PPP2R3A: variants seen among roughly 807,000 people sequenced by gnomAD.
PPP2R3A encodes serine/threonine-protein phosphatase 2A regulatory subunit B'' subunit alpha.
PPP2R3A carries 80 observed loss-of-function variants against 106.9 expected under a neutral mutation model. The ratio of observed to expected loss-of-function variants is 0.75; its 90% CI spans 0.62 to 0.90. PPP2R3A has a LOEUF of 0.90. Ranked by LOEUF, PPP2R3A falls within the 40% of genes least tolerant of loss-of-function variation. The pLI, the probability that PPP2R3A is intolerant of heterozygous loss-of-function variation, is 0.00. For synonymous variants in PPP2R3A, 483 were observed against 468.3 expected (o/e 1.03, Z -0.41); for missense variants, 1,386 against 1,350.4 (o/e 1.03, Z -0.41).
chr3:136,097,198 A>G (rs1437807369), intron 10 of PPP2R3A, among the ~76,000 whole-genome samples: 8 of 143,822 alleles, frequency 5.6e-5, no homozygotes, highest in African/African-American at 2.2e-4. Flanking sequence ...TTTGGTAAGA[A>G]AAAAAAAAAA....
chr3:136,102,812 G>A (rs1435102872), intron 11 of PPP2R3A, among the ~76,000 whole-genome samples: 1 of 152,244 alleles, frequency 6.6e-6, no homozygotes, highest in East Asian at 1.9e-4. Context: ...GCAACACAGC[G>A]AGACTGTATC....
At chr3:136,134,175 G>A (rs1559939047) in intron 13 of PPP2R3A, among the ~76,000 whole-genome samples, 1 of 152,188 alleles carries the variant, frequency 6.6e-6, no homozygotes, top group Non-Finnish European at 1.5e-5. Context: ...CTTCACTGCT[G>A]TCTCATAGAA....
At chr3:136,129,184 GAGAT>G (rs1423254959) in intron 13 of PPP2R3A, among the ~76,000 whole-genome samples, 13 of 146,284 alleles carry the variant, frequency 8.9e-5, no homozygotes, top group Middle Eastern at 3.6e-3. Flanking sequence ...AGAACTGAAA[GAGAT>G]AGAGACAAAA....
intron 13 of PPP2R3A, among the ~76,000 whole-genome samples, chr3:136,110,216 A>G (rs1218315145): frequency 6.6e-6 from 1 of 152,170 alleles, no homozygotes; most frequent in Non-Finnish European, 1.5e-5. Context: ...AAGGTGGACA[A>G]ATATCAAACA....
At chr3:136,111,405 T>G (rs1275116019) in intron 13 of PPP2R3A, among the ~76,000 whole-genome samples, 1 of 151,924 alleles carries the variant, frequency 6.6e-6, no homozygotes, top group Non-Finnish European at 1.5e-5. Context: ...CAGAAAAAGG[T>G]TATTAACTGA....
At chr3:135,993,318 A>G (rs983261350) in intron 1 of PPP2R3A, among the ~76,000 whole-genome samples, 2 of 152,192 alleles carry the variant, frequency 1.3e-5, no homozygotes, top group African/African-American at 2.4e-5. Context: ...AATACTCAAC[A>G]TCATTAGTCA....
chr3:136,047,774 G>C (rs576713578), intron 4 of PPP2R3A, among the ~76,000 whole-genome samples: 1 of 152,076 alleles, frequency 6.6e-6, no homozygotes, highest in Non-Finnish European at 1.5e-5. Flanking sequence ...GTGTGGTGGC[G>C]GGTGCCTGTA....
Position 136,135,166 on chromosome 3 carries a change from C to T in PPP2R3A, c.3330-9877C>T, listed in dbSNP as rs1938561650. Among the ~76,000 whole-genome samples the T allele has an allele frequency of 1.3e-5, 2 of 152,040 alleles. 1 individual carries two copies. The highest frequency in any genetic ancestry group is 4.1e-4 in the South Asian group (2 of 4,824). ...TGAGGAGGGGTCACAAGAGGAGACG[C>T]AGAGACCAGCTGGAGTGAAATTCAA... is the stretch of plus-strand genomic sequence containing the variant. On this transcript the variant is annotated intron_variant, in intron 13 of 13. Transcript: ENST00000264977.
chr3:136,145,115 T>G lies in PPP2R3A; in HGVS notation c.3402T>G (p.Ser1134Arg). The G allele has an allele frequency of 6.2e-7, 1 of 1,613,922 alleles. No homozygotes were observed. Among genetic ancestry groups the G allele is most frequent in the Non-Finnish European group, 8.5e-7 (1 of 1,179,866 alleles). ...EFGNKSNKIL[S>R]ASLPEKCGKL... ...GAAACAAAAGCAATAAAATATTAAG[T>G]GCAAGCCTTCCAGAGAAATGTGGAA... Residue 1134 changes from serine to arginine, a missense_variant, in exon 14 of 14, where the codon AGT becomes AGG. By Grantham distance (110) the Ser-to-Arg change is moderately radical. Coordinates refer to ENST00000264977, the MANE Select transcript of PPP2R3A (RefSeq NM_002718.5).
chr3:136,001,732 G>T lies in PPP2R3A; in HGVS notation c.234G>T (p.Gly78=). 2 of 1,614,074 alleles carry T rather than the reference G, an allele frequency of 1.2e-6. No homozygotes were observed. Among genetic ancestry groups the T allele is most frequent in the Non-Finnish European group, 1.7e-6 (2 of 1,180,008 alleles). ...LNSMFLPHEN[G]LSSAEGDYPQ... is the part of the protein sequence containing the mutation. Reference sequence around the variant, plus strand: ...CTATGTTTCTACCCCATGAAAATGGGCTTTCTTCGGCTGAAGGAGACTATC... The same window carrying T: ...CTATGTTTCTACCCCATGAAAATGGTCTTTCTTCGGCTGAAGGAGACTATC... The change falls in exon 2 of 14, where the codon GGG becomes GGT. Residue 78 remains glycine (G), a synonymous_variant. Coordinates refer to ENST00000264977, the MANE Select transcript of PPP2R3A (RefSeq NM_002718.5).
chr3:136,066,696 A>G (rs193154550), intron 5 of PPP2R3A, among the ~76,000 whole-genome samples: 104 of 151,652 alleles, frequency 6.9e-4, no homozygotes, highest in Middle Eastern at 6.8e-3. Context: ...GTTGCTGCAC[A>G]CTTTTAAACA....
At chr3:136,067,068 G>A (rs1486342609) in intron 5 of PPP2R3A, among the ~76,000 whole-genome samples, 1 of 152,176 alleles carries the variant, frequency 6.6e-6, no homozygotes, top group Non-Finnish European at 1.5e-5. Context: ...CTACTATTCA[G>A]CATTTTACTG....
chr3:136,071,187 G>C (rs1323346541), intron 6 of PPP2R3A, among the ~76,000 whole-genome samples: 1 of 152,184 alleles, frequency 6.6e-6, no homozygotes, highest in Non-Finnish European at 1.5e-5. Flanking sequence ...CAGCCCCAGG[G>C]CCATTCACCA....
Position 136,129,586 on chromosome 3 carries a change from G to T in PPP2R3A, c.3330-15457G>T, listed in dbSNP as rs1343954594. Among the ~76,000 whole-genome samples the T allele has an allele frequency of 2.6e-5, 4 of 152,220 alleles. No individual in the cohort carries two copies. The East Asian group carries it at 7.7e-4, about 29-fold the overall frequency. ...GATTCACAGCCAAATTCTACCAGAG[G>T]TACAAAGAGGAGCTGGTACCATTCC... is the stretch of plus-strand genomic sequence containing the variant. On this transcript the variant is annotated intron_variant, in intron 13 of 13. Transcript: ENST00000264977.
intron 8 of PPP2R3A, among the ~76,000 whole-genome samples, chr3:136,085,944 A>T (rs765361740): frequency 2.0e-5 from 3 of 151,730 alleles, no homozygotes; most frequent in Non-Finnish European, 4.4e-5. Context: ...AAAATTAAAA[A>T]TTAAAAAATG....
Position 135,984,100 on chromosome 3 carries a change from C to T in PPP2R3A, c.-440-16959C>T, listed in dbSNP as rs1327667119. The stretch of plus-strand genomic sequence containing the variant: ...TTCAGTGTTGTATAGATTTTCCCTC[C>T]CTCCTTCCCCTTCTAACTACCCTTC... On this transcript the variant is annotated intron_variant, in intron 1 of 13. Transcript: ENST00000264977. Among the ~76,000 whole-genome samples, 8 of 152,102 alleles carry T rather than the reference C, an allele frequency of 5.3e-5. No homozygotes were observed. In the East Asian group the frequency reaches 1.2e-3, roughly 22 times the overall value.
At chr3:136,018,630 A>G (rs1934358009) in intron 2 of PPP2R3A, among the ~76,000 whole-genome samples, 1 of 152,164 alleles carries the variant, frequency 6.6e-6, no homozygotes, top group Non-Finnish European at 1.5e-5. Flanking sequence ...TTCCTACCCA[A>G]TCTCACCTTC....
At chr3:136,065,678 T>C (rs1293349061) in intron 5 of PPP2R3A, among the ~76,000 whole-genome samples, 1 of 152,136 alleles carries the variant, frequency 6.6e-6, no homozygotes, top group African/African-American at 2.4e-5. Flanking sequence ...TACACTAATA[T>C]GCAAAATAAG....
At chr3:136,070,243 C>G (rs1258505642) in intron 5 of PPP2R3A, among the ~76,000 whole-genome samples, 1 of 152,152 alleles carries the variant, frequency 6.6e-6, no homozygotes, top group African/African-American at 2.4e-5. Flanking sequence ...CACAAATTAC[C>G]TAACGTAGCT....
Sources: allele counts gnomAD v4.1 joint callset (sites outside exome capture counted in the v4.1 genomes callset), GRCh38; gene constraint gnomAD v4.1.1; transcripts MANE v1.5; gene names NCBI Gene and HGNC (gene_info 2026-07-23, HGNC 2026-07-21).